MYO9B: variants seen among roughly 807,000 people sequenced by gnomAD.
The protein encoded by MYO9B is myosin IXB, also known as unconventional myosin-IXb.
In MYO9B, 71 loss-of-function variants were observed where a neutral mutation model predicts 229.5. The observed-to-expected ratio is 0.31, with a 90% CI of 0.26 to 0.38. The LOEUF is 0.38. MYO9B is among the 10% of genes least tolerant of loss of function. The pLI is 1.00. For missense variants in MYO9B, 2,255 were observed against 2,920.5 expected, an observed-to-expected ratio of 0.77 and a Z score of 5.25; for synonymous variants, 1,185 against 1,235.8, an observed-to-expected ratio of 0.96 and a Z score of 0.86.
chr19:17,129,246 A>G (rs966390184), intron 2 of MYO9B, among the ~76,000 whole-genome samples: 3 of 152,040 alleles, frequency 2.0e-5, no homozygotes, highest in African/African-American at 7.2e-5. Context: ...CTACAAATAC[A>G]ATAAAATTAG....
intron 2 of MYO9B, among the ~76,000 whole-genome samples, chr19:17,117,967 T>C (rs2057922820): frequency 6.9e-6 from 1 of 145,158 alleles, no homozygotes; most frequent in Middle Eastern, 3.4e-3. Context: ...AGAAAAGACA[T>C]ATACAGGATT....
chr19:17,188,935 A>G (rs544374089), intron 19 of MYO9B, among the ~76,000 whole-genome samples: 40 of 151,340 alleles, frequency 2.6e-4, no homozygotes, highest in Admixed American at 1.5e-3. Context: ...ATCACTTGAG[A>G]TCAGGAGTTC....
intron 8 of MYO9B, among the ~76,000 whole-genome samples, chr19:17,160,064 A>G (rs906391369): frequency 6.6e-6 from 1 of 152,132 alleles, no homozygotes; most frequent in African/African-American, 2.4e-5. Flanking sequence ...CCCAGCCTGG[A>G]TGTTTTCTCT....
In MYO9B at chr19:17,154,375, G is replaced by A. The variant is rs2072514894; in HGVS notation, c.1159G>A (p.Ala387Thr). Residue 387 changes from alanine to threonine, a missense_variant, in exon 6 of 40, where the codon GCC becomes ACC. Around this residue, in one of 7 missense-constraint regions of MYO9B, gnomAD observed 220 missense variants for 404.5 expected, o/e 0.54. Transcript: ENST00000682292. Reference sequence around the variant, plus strand: ...GCATGACTTTGAGAGGCTCAAGCAGGCCATGGAGATGGTGGGCTTCCTCCC... The same window carrying A: ...GCATGACTTTGAGAGGCTCAAGCAGACCATGGAGATGGTGGGCTTCCTCCC... Reference protein sequence around the residue: ...LKHDFERLKQAMEMVGFLPAT... With the variant: ...LKHDFERLKQTMEMVGFLPAT... 1 of 1,613,024 alleles carries A rather than the reference G, an allele frequency of 6.2e-7. No individual in the cohort carries two copies. Among genetic ancestry groups the A allele is most frequent in the African/African-American group, 1.3e-5 (1 of 74,894 alleles).
intron 20 of MYO9B, among the ~76,000 whole-genome samples, chr19:17,191,618 A>T (rs1343287144): frequency 6.6e-6 from 1 of 151,900 alleles, no homozygotes; most frequent in African/African-American, 2.4e-5. Flanking sequence ...TGGGAGCATT[A>T]CTCAGCCACC....
chr19:17,189,702 G>A (rs1408405978), intron 19 of MYO9B, among the ~76,000 whole-genome samples: 1 of 152,110 alleles, frequency 6.6e-6, no homozygotes, highest in Non-Finnish European at 1.5e-5. Flanking sequence ...AAGGGTGACT[G>A]TGGTTCCCAG....
rs1484657578 is a variant in MYO9B at position 17,101,678 on chromosome 19, C to T, written c.-40C>T. 3 of 1,517,324 alleles carry T rather than the reference C, an allele frequency of 2.0e-6. No homozygotes were observed. The Admixed American group carries it at 6.3e-5, about 32-fold the overall frequency. 94.0% of individuals were successfully genotyped at this position (1,517,324 alleles called of 1,614,324 possible). Reference sequence around the variant, plus strand: ...CTTCTAGCTCCAGGACACGCGCGCCCCGAGCCTGGGAGGCATGCTGAAGCC... The same window carrying T: ...CTTCTAGCTCCAGGACACGCGCGCCTCGAGCCTGGGAGGCATGCTGAAGCC... On this transcript the variant is annotated 5_prime_UTR_variant, in exon 2 of 40. Transcript: ENST00000682292. This position sits in a 1 kb window ranked among gnomAD's most constrained non-coding sequence, Gnocchi z 4.7.
intron 2 of MYO9B, among the ~76,000 whole-genome samples, chr19:17,109,266 C>T (rs1208921177): frequency 4.0e-5 from 6 of 151,158 alleles, no homozygotes; most frequent in African/African-American, 7.3e-5. Flanking sequence ...GGGGTTTCAC[C>T]GTGTTAGCCA....
In MYO9B at chr19:17,200,385, A is replaced by G. The variant is rs771552486; in HGVS notation, c.4331A>G (p.His1444Arg). Reference sequence around the variant, plus strand: ...GAGCTGGAGAATGCAGTGTCCGGGCACGTGGTGCTGGAAGCCACCACCATG... The same window carrying G: ...GAGCTGGAGAATGCAGTGTCCGGGCGCGTGGTGCTGGAAGCCACCACCATG... ...AEELENAVSGHVVLEATTMKK... is the reference protein window; with the variant it reads ...AEELENAVSGRVVLEATTMKK... The change falls in exon 25 of 40, where the codon CAC becomes CGC. Residue 1444 changes from histidine (H) to arginine (R), a missense_variant. His to Arg is a conservative substitution (Grantham distance 29, BLOSUM62 0). Transcript: ENST00000682292. The G allele has an allele frequency of 1.7e-5, 28 of 1,600,512 alleles. No homozygotes were observed. The highest frequency in any genetic ancestry group is 2.4e-5 in the Non-Finnish European group (28 of 1,173,176).
chr19:17,165,571 T>A (rs537717104), intron 10 of MYO9B, among the ~76,000 whole-genome samples: 1 of 151,078 alleles, frequency 6.6e-6, no homozygotes, highest in East Asian at 1.9e-4. Flanking sequence ...TAAGACCCTG[T>A]CTCTAAAAAA....
chr19:17,094,520 G>T (rs749702231), intron 1 of MYO9B, among the ~76,000 whole-genome samples: 4 of 152,092 alleles, frequency 2.6e-5, no homozygotes, highest in Non-Finnish European at 5.9e-5. Context: ...AGCAGCCACC[G>T]ATCAGCTTTC....
Position 17,202,192 on chromosome 19 carries a change from C to A in MYO9B, c.4725C>A (p.Asn1575Lys), listed in dbSNP as rs1320837956. The A allele has an allele frequency of 6.8e-6, 11 of 1,613,404 alleles. No homozygotes were observed. Among genetic ancestry groups the A allele is most frequent in the Non-Finnish European group, 9.3e-6 (11 of 1,179,696 alleles). ...AGAACTACCAGATCGTCGTCAGCAA[C>A]CTGGCCACTGAGCGTGGCCAGAAGG... Reference protein sequence around the residue: ...LMENYQIVVSNLATERGQKDT... With the variant: ...LMENYQIVVSKLATERGQKDT... Residue 1575 changes from asparagine (N) to lysine (K), a missense_variant, in exon 28 of 40, where the codon AAC (asparagine) becomes AAA (lysine). Around this residue, in one of 7 missense-constraint regions of MYO9B, gnomAD observed 416 missense variants for 605.5 expected, o/e 0.69. Transcript: ENST00000682292.
chr19:17,133,669 C>T (rs2072230835), intron 2 of MYO9B, among the ~76,000 whole-genome samples: 1 of 152,128 alleles, frequency 6.6e-6, no homozygotes. Flanking sequence ...CCAGGCTGGT[C>T]TCAAACTCCT....
Position 17,202,200 on chromosome 19 carries a change from C to A in MYO9B, c.4733C>A (p.Thr1578Asn), listed in dbSNP as rs757289013. 10 of 1,613,224 alleles carry A rather than the reference C, an allele frequency of 6.2e-6. No individual in the cohort carries two copies. In the African/African-American group the frequency reaches 9.3e-5, roughly 15 times the overall value. The change falls in exon 28 of 40, where the codon ACT becomes AAT. Residue 1578 changes from threonine (T) to asparagine (N), a missense_variant. Physicochemically the swap from Thr to Asn is moderately conservative, Grantham distance 65. Around this residue, in one of 7 missense-constraint regions of MYO9B, gnomAD observed 416 missense variants for 605.5 expected, o/e 0.69. Coordinates refer to ENST00000682292, the MANE Select transcript of MYO9B (RefSeq NM_004145.4). ...NYQIVVSNLATERGQKDTNLV... is the reference protein window; with the variant it reads ...NYQIVVSNLANERGQKDTNLV... Reference sequence around the variant, plus strand: ...CAGATCGTCGTCAGCAACCTGGCCACTGAGCGTGGCCAGAAGGACACCAAC... The same window carrying A: ...CAGATCGTCGTCAGCAACCTGGCCAATGAGCGTGGCCAGAAGGACACCAAC...
At chr19:17,200,918 A>C in intron 26 of MYO9B, 89 bp downstream of exon 26, 1 of 1,425,170 alleles carries the variant, frequency 7.0e-7, no homozygotes, top group Non-Finnish European at 9.7e-7. Flanking sequence ...AACACACAAC[A>C]CAGGGTTTAG....
At chr19:17,108,386 T>C (rs890831927) in intron 2 of MYO9B, among the ~76,000 whole-genome samples, 6 of 152,100 alleles carry the variant, frequency 3.9e-5, no homozygotes, top group Admixed American at 6.6e-5. Context: ...CTGGCTCTGC[T>C]GACATTCAGG....
intron 2 of MYO9B, among the ~76,000 whole-genome samples, chr19:17,130,842 A>T (rs2072187780): frequency 6.6e-6 from 1 of 151,904 alleles, no homozygotes; most frequent in African/African-American, 2.4e-5. Context: ...CTTTTCACAG[A>T]TTCTCTGTTT....
intron 1 of MYO9B, among the ~76,000 whole-genome samples, chr19:17,077,733 C>T (rs931354792): frequency 2.6e-5 from 4 of 152,188 alleles, no homozygotes; most frequent in African/African-American, 4.8e-5. Context: ...CCCCCAGCTC[C>T]CGGCCTTGAA....
rs35803676 is a variant in MYO9B at position 17,192,283 on chromosome 19, C to CA, written c.2812-446dup. Among the ~76,000 whole-genome samples the CA allele has an allele frequency of 3.2e-3, 393 of 124,314 alleles. 1 individual carries two copies. The highest frequency in any genetic ancestry group is 5.7e-3 in the Non-Finnish European group (299 of 52,388). 81.6% of individuals were successfully genotyped at this position (124,314 alleles called of 152,430 possible). On this transcript the variant is annotated intron_variant, in intron 20 of 39. Coordinates refer to ENST00000682292, the MANE Select transcript of MYO9B (RefSeq NM_004145.4). Reference sequence around the variant, plus strand: ...ACTCCAGCCTGGTGAGACTCCATCTCAAAAAAAAAAAAAAAAAGGGGGGGC... The same window carrying CA: ...ACTCCAGCCTGGTGAGACTCCATCTCAAAAAAAAAAAAAAAAAAGGGGGGGC...
Sources: allele counts gnomAD v4.1 joint callset (sites outside exome capture counted in the v4.1 genomes callset), GRCh38; gene constraint gnomAD v4.1.1; regional missense constraint gnomAD v4.1.1; non-coding constraint Gnocchi (gnomAD v3.1); transcripts MANE v1.5; gene names NCBI Gene and HGNC (gene_info 2026-07-23, HGNC 2026-07-21).